The following DISC1 variants were observed in gnomAD, a reference collection of about 807,000 sequenced individuals.
DISC1 encodes disrupted in schizophrenia 1 protein.
A neutral mutation model predicts 84.5 loss-of-function variants in DISC1; 57 were observed. The ratio of observed to expected loss-of-function variants is 0.67; its 90% CI spans 0.55 to 0.84. The LOEUF (loss-of-function observed/expected upper bound fraction) is 0.84. Among genes scored for constraint, DISC1 ranks in the 40% least tolerant of loss-of-function variants. The pLI is 0.00. For missense variants in DISC1, 1,000 were observed against 1,057.8 expected, an observed-to-expected ratio of 0.95 and a Z score of 0.76; for synonymous variants, 411 against 415.2, an observed-to-expected ratio of 0.99 and a Z score of 0.12.
At chr1:231,979,079 T>C (rs1178127696) in intron 10 of DISC1, among the ~76,000 whole-genome samples, 2 of 152,084 alleles carry the variant, frequency 1.3e-5, no homozygotes, top group Non-Finnish European at 2.9e-5. Flanking sequence ...TGAACCCTAT[T>C]GTAACTGCAC....
At chr1:231,969,532 G>A (rs1169750067) in intron 10 of DISC1, among the ~76,000 whole-genome samples, 4 of 151,348 alleles carry the variant, frequency 2.6e-5, no homozygotes, top group Admixed American at 6.6e-5. Context: ...AAAGAAAATC[G>A]TCTTGACCTC....
At chr1:231,801,100 G>A (rs940427695) in intron 8 of DISC1, among the ~76,000 whole-genome samples, 4 of 152,088 alleles carry the variant, frequency 2.6e-5, no homozygotes, top group African/African-American at 9.7e-5. Flanking sequence ...ACAATAATTG[G>A]CAGCTTCTGC....
At position 231,694,263 on chromosome 1, in the gene DISC1, A is replaced by T; in HGVS notation, c.505A>T (p.Arg169Trp). The T allele has an allele frequency of 6.2e-7, 1 of 1,614,244 alleles. No individual in the cohort carries two copies. The highest frequency in any genetic ancestry group is 8.5e-7 in the Non-Finnish European group (1 of 1,180,044). ...SWEAACSDGARRVRAAGSLPS... is the reference protein window; with the variant it reads ...SWEAACSDGAWRVRAAGSLPS... Reference sequence around the variant, plus strand: ...GGAGGCAGCCTGCAGCGATGGAGCAAGGCGTGTCCGGGCAGCAGGCTCTCT... The same window carrying T: ...GGAGGCAGCCTGCAGCGATGGAGCATGGCGTGTCCGGGCAGCAGGCTCTCT... Residue 169 changes from arginine (R) to tryptophan (W), a missense_variant, in exon 2 of 13, where the codon AGG becomes TGG. Coordinates refer to ENST00000439617, the MANE Select transcript of DISC1 (RefSeq NM_018662.3).
At chr1:231,808,230 C>T (rs2079916200) in intron 8 of DISC1, among the ~76,000 whole-genome samples, 2 of 152,240 alleles carry the variant, frequency 1.3e-5, no homozygotes, top group East Asian at 3.9e-4. Flanking sequence ...AAACAGTTTC[C>T]AGGTGGTTTT....
intron 3 of DISC1, among the ~76,000 whole-genome samples, chr1:231,706,966 G>A (rs1015046679): frequency 2.6e-5 from 4 of 152,136 alleles, no homozygotes; most frequent in African/African-American, 9.7e-5. Flanking sequence ...TGGCTTCCAG[G>A]AGCCTGGCAG....
chr1:231,841,451 C>T (rs1466393207), intron 9 of DISC1, among the ~76,000 whole-genome samples: 1 of 152,204 alleles, frequency 6.6e-6, no homozygotes, highest in Non-Finnish European at 1.5e-5. Context: ...AGATCTTTCT[C>T]AGGCTCTTGT....
At chr1:231,632,815 A>G (rs998143514) in intron 1 of DISC1, among the ~76,000 whole-genome samples, 16 of 152,182 alleles carry the variant, frequency 1.1e-4, no homozygotes, top group Admixed American at 5.2e-4. Flanking sequence ...TCATGCCTGT[A>G]ATTCCAGCAG....
intron 9 of DISC1, among the ~76,000 whole-genome samples, chr1:231,883,580 A>C (rs74144171): frequency 6.6e-6 from 1 of 152,122 alleles, no homozygotes; most frequent in Non-Finnish European, 1.5e-5. Context: ...AGGGGCCACT[A>C]TTGGTCTCAG....
chr1:231,790,129 G>A (rs145122527), intron 6 of DISC1, among the ~76,000 whole-genome samples: 6 of 152,182 alleles, frequency 3.9e-5, no homozygotes, highest in Non-Finnish European at 5.9e-5. Context: ...AAAAGAAACC[G>A]TCAGTCTGAA....
At chr1:231,945,888 G>A (rs1006457518) in intron 9 of DISC1, among the ~76,000 whole-genome samples, 4 of 152,132 alleles carry the variant, frequency 2.6e-5, no homozygotes, top group African/African-American at 9.6e-5. Context: ...TCTTGGACAC[G>A]TATACCCTCC....
intron 1 of DISC1, among the ~76,000 whole-genome samples, chr1:231,655,273 A>G (rs915627661): frequency 6.6e-6 from 1 of 152,090 alleles, no homozygotes; most frequent in Non-Finnish European, 1.5e-5. Context: ...CTGAGTCTCT[A>G]AAGTCCATTA....
chr1:231,788,032 C>T (rs185373711), intron 6 of DISC1, among the ~76,000 whole-genome samples: 79 of 152,342 alleles, frequency 5.2e-4, no homozygotes, highest in Non-Finnish European at 9.7e-4. Flanking sequence ...CCTGTAATCC[C>T]AGCACTCTGG....
chr1:231,982,825 T>C (rs1663809428), intron 10 of DISC1, among the ~76,000 whole-genome samples: 1 of 152,054 alleles, frequency 6.6e-6, no homozygotes, highest in African/African-American at 2.4e-5. Context: ...GGGTACATCG[T>C]AAGAGCAAGG....
In DISC1 at chr1:232,035,905, C is replaced by A. The variant is rs1487213467; in HGVS notation, c.2426-787C>A. On this transcript the variant is annotated intron_variant, in intron 12 of 12. Transcript: ENST00000439617. The stretch of plus-strand genomic sequence containing the variant: ...AAGAGAACTACAGCCTTATCTATTA[C>A]TGTTTGCTAAGTTCTCTATGATTGT... 2.0e-5 allele frequency among the ~76,000 whole-genome samples: 3 copies of A among 152,198 alleles called. No homozygotes were observed. In the East Asian group the frequency reaches 5.8e-4, roughly 29 times the overall value.
chr1:231,681,065 A>G (rs1243092807), intron 1 of DISC1, among the ~76,000 whole-genome samples: 1 of 152,250 alleles, frequency 6.6e-6, no homozygotes, highest in Non-Finnish European at 1.5e-5. Flanking sequence ...TAAAAAATTC[A>G]TTAGAGACAC....
At chr1:231,761,684 T>C (rs17816686) in intron 4 of DISC1, among the ~76,000 whole-genome samples, 73,623 of 152,056 alleles carry the variant, frequency 0.48, 18,133 homozygotes, top group Middle Eastern at 0.54. Context: ...CCAGATGGTA[T>C]CTATTTAGGA....
intron 4 of DISC1, among the ~76,000 whole-genome samples, chr1:231,759,564 AATG>A: frequency 6.7e-6 from 1 of 149,620 alleles, no homozygotes; most frequent in Non-Finnish European, 1.5e-5. Flanking sequence ...AAACTAGCCA[AATG>A]CGGTGGTGCG....
intron 4 of DISC1, among the ~76,000 whole-genome samples, chr1:231,752,830 A>C (rs770674961): frequency 1.3e-5 from 2 of 152,250 alleles, no homozygotes; most frequent in Non-Finnish European, 2.9e-5. Flanking sequence ...TCCAAAAGAG[A>C]GAAACTGGTC....
intron 12 of DISC1, among the ~76,000 whole-genome samples, chr1:232,032,428 G>A (rs1244719007): frequency 6.6e-6 from 1 of 152,162 alleles, no homozygotes; most frequent in African/African-American, 2.4e-5. Context: ...CTGTCCTGCT[G>A]TCTTACTCCT....
Sources: gnomAD v4.1 joint callset for allele counts (sites outside exome capture counted in the v4.1 genomes callset) on GRCh38, gnomAD v4.1.1 for gene constraint, MANE v1.5 for transcripts, NCBI Gene and HGNC (gene_info 2026-07-23, HGNC 2026-07-21) for gene names.